Variants in GLIS3 observed in about 807,000 individuals in gnomAD.
GLIS3 encodes GLIS family zinc finger 3.
In GLIS3, 53 loss-of-function variants were observed where a neutral mutation model predicts 78.6. That is an observed-to-expected ratio of 0.67 (90% CI 0.54 to 0.85). GLIS3 has a LOEUF of 0.85. Among genes scored for constraint, GLIS3 ranks in the 40% least tolerant of loss-of-function variants. The pLI, the probability that GLIS3 is intolerant of heterozygous loss-of-function variation, is 0.00. For synonymous variants in GLIS3, 684 were observed against 509.9 expected (o/e 1.34, Z -4.60); for missense variants, 1,703 against 1,231.1 (o/e 1.38, Z -5.74).
intron 8 of GLIS3, among the ~76,000 whole-genome samples, chr9:3,860,272 CAAAAAAAAAAAAAAAAAAA>C (rs59923144): frequency 1.9e-5 from 1 of 53,604 alleles, no homozygotes; most frequent in Non-Finnish European, 3.1e-5. Context: ...AAGACTCTGT[CAAAAAAAAAAAAAAAAAAA>C]AAAAAAAAAA....
chr9:4,175,656 A>G (rs1816749798), intron 2 of GLIS3, among the ~76,000 whole-genome samples: 1 of 152,164 alleles, frequency 6.6e-6, no homozygotes, highest in Admixed American at 6.5e-5. Context: ...CCAAGTCCCC[A>G]CTGTACTGGA....
chr9:3,891,530 C>A (rs1822447526), intron 7 of GLIS3, among the ~76,000 whole-genome samples: 1 of 152,102 alleles, frequency 6.6e-6, no homozygotes, highest in South Asian at 2.1e-4. Flanking sequence ...CTTGTCTCTA[C>A]ACAAAATAAT....
chr9:4,191,228 C>G (rs1452770459), intron 2 of GLIS3, among the ~76,000 whole-genome samples: 1 of 151,770 alleles, frequency 6.6e-6, no homozygotes, highest in African/African-American at 2.4e-5. Context: ...AATTAAAAGA[C>G]ACAGACTGGC....
intron 2 of GLIS3, among the ~76,000 whole-genome samples, chr9:4,160,264 G>A (rs1045382073): frequency 6.6e-6 from 1 of 152,192 alleles, no homozygotes; most frequent in African/African-American, 2.4e-5. Flanking sequence ...ATAACCTCCA[G>A]TGGTGCTAAG....
chr9:4,456,673 G>A, the GLIS3 span, among the ~76,000 whole-genome samples: 1 of 152,144 alleles, frequency 6.6e-6, no homozygotes, highest in South Asian at 2.1e-4. Flanking sequence ...TTAATTTAAA[G>A]CAACTCTTCC....
intron 2 of GLIS3, among the ~76,000 whole-genome samples, chr9:4,325,082 G>T (rs1817581953): frequency 6.6e-6 from 1 of 152,108 alleles, no homozygotes; most frequent in South Asian, 2.1e-4. Context: ...AATTTGTCCA[G>T]GCCACACAGC....
At chr9:4,268,665 A>T (rs1487927875) in intron 2 of GLIS3, among the ~76,000 whole-genome samples, 5 of 152,212 alleles carry the variant, frequency 3.3e-5, no homozygotes, top group African/African-American at 1.2e-4. Flanking sequence ...TTATTGATTG[A>T]CACCCACATA....
In GLIS3 at chr9:4,255,374, G is replaced by A. The variant is rs751525408; in HGVS notation, c.388+30664C>T. On this transcript the variant is annotated intron_variant, in intron 2 of 10. Coordinates refer to ENST00000381971, the MANE Select transcript of GLIS3 (RefSeq NM_001042413.2). ...CTGTGCTCCTTGGTATCACCCAAAGGAGTTGAAAACTTAGGTCCACACACA... is the reference window on the plus strand; with the variant it reads ...CTGTGCTCCTTGGTATCACCCAAAGAAGTTGAAAACTTAGGTCCACACACA... 3.7e-4 allele frequency among the ~76,000 whole-genome samples: 57 copies of A among 152,090 alleles called. 1 individual carries two copies. Among genetic ancestry groups the A allele is most frequent in the Non-Finnish European group, 7.4e-4 (50 of 68,020 alleles).
chr9:3,943,405 T>G (rs1816078130), intron 4 of GLIS3, among the ~76,000 whole-genome samples: 1 of 152,266 alleles, frequency 6.6e-6, no homozygotes, highest in South Asian at 2.1e-4. Context: ...TTTGCAATTT[T>G]ACTCATGTTG....
At position 3,828,372 on chromosome 9, in the gene GLIS3, C is replaced by G. The variant is rs1436468165; in HGVS notation, c.2693G>C (p.Gly898Ala). The change falls in exon 11 of 11, where the codon GGG (glycine) becomes GCG (alanine). Residue 898 changes from glycine to alanine, a missense_variant. Coordinates refer to ENST00000381971, the MANE Select transcript of GLIS3 (RefSeq NM_001042413.2). The part of the protein sequence containing the change: ...DLPSSSSSLF[G>A]ESLRSGAEDA... ...TTCAGCCCCGCTGCGGAGAGACTCCCCAAAGAGGCTCGAGGAACTTGAAGG... is the reference window on the plus strand; with the variant it reads ...TTCAGCCCCGCTGCGGAGAGACTCCGCAAAGAGGCTCGAGGAACTTGAAGG... 1 of 1,613,586 alleles carries G rather than the reference C, an allele frequency of 6.2e-7. No homozygotes were observed. Among genetic ancestry groups the G allele is most frequent in the African/African-American group, 1.3e-5 (1 of 74,892 alleles).
At chr9:4,261,906 G>A (rs372533010) in intron 2 of GLIS3, among the ~76,000 whole-genome samples, 6 of 152,166 alleles carry the variant, frequency 3.9e-5, no homozygotes. Flanking sequence ...ATCGCAACTA[G>A]TGTACCCTGT....
the GLIS3 span, among the ~76,000 whole-genome samples, chr9:4,390,071 C>T: frequency 6.6e-6 from 1 of 152,190 alleles, no homozygotes; most frequent in Admixed American, 6.5e-5. Context: ...TAAAAAATTT[C>T]TGGCAGAGGA....
intron 2 of GLIS3, among the ~76,000 whole-genome samples, chr9:4,142,859 T>C (rs1329867691): frequency 6.6e-6 from 1 of 152,182 alleles, no homozygotes; most frequent in Non-Finnish European, 1.5e-5. Context: ...ATTTTCACAC[T>C]TAAGGATATG....
chr9:3,871,417 T>C (rs914335088), intron 8 of GLIS3, among the ~76,000 whole-genome samples: 5 of 152,220 alleles, frequency 3.3e-5, no homozygotes, highest in Admixed American at 2.6e-4. Flanking sequence ...ATTTCCCTTT[T>C]GCATTGCTCT....
Position 3,828,316 on chromosome 9 carries a change from C to T in GLIS3, c.2749G>A (p.Asp917Asn), listed in dbSNP as rs1433418331. The change falls in exon 11 of 11, where the codon GAC (aspartate) becomes AAC (asparagine). Residue 917 changes from aspartate to asparagine, a missense_variant. Physicochemically the swap from Asp to Asn is conservative, Grantham distance 23. Transcript: ENST00000381971. The part of the protein sequence containing the change: ...DATFLQISTV[D>N]RCPSQLSSVY... ...GAGGAGAGCTGGCTAGGACAGCGGT[C>T]CACGGTGCTGATCTGCAAGAAGGTA... is the stretch of plus-strand genomic sequence containing the variant. 4.3e-6 allele frequency: 7 copies of T among 1,613,414 alleles called. No individual in the cohort carries two copies. Among genetic ancestry groups the T allele is most frequent in the Non-Finnish European group, 5.9e-6 (7 of 1,179,488 alleles).
chr9:4,461,055 T>G, the GLIS3 span, among the ~76,000 whole-genome samples: 2 of 152,244 alleles, frequency 1.3e-5, no homozygotes, highest in Non-Finnish European at 2.9e-5. Flanking sequence ...AGATGTTCTC[T>G]TATTTTACCA....
chr9:4,171,345 G>C (rs551396934), intron 2 of GLIS3, among the ~76,000 whole-genome samples: 1 of 152,126 alleles, frequency 6.6e-6, no homozygotes, highest in South Asian at 2.1e-4. Flanking sequence ...TAATAAGAAA[G>C]ATTCCGTAGA....
At chr9:4,167,972 G>T (rs1564143264) in intron 2 of GLIS3, among the ~76,000 whole-genome samples, 1 of 152,210 alleles carries the variant, frequency 6.6e-6, no homozygotes, top group Non-Finnish European at 1.5e-5. Context: ...AGGGCCAGCT[G>T]CAAGGAGGCA....
chr9:3,964,765 C>A (rs185128179), intron 4 of GLIS3, among the ~76,000 whole-genome samples: 1 of 152,196 alleles, frequency 6.6e-6, no homozygotes, highest in East Asian at 1.9e-4. Flanking sequence ...AAGCCAATAC[C>A]TTTTATTTTC....
Sources: gnomAD v4.1 joint callset for allele counts (sites outside exome capture counted in the v4.1 genomes callset) on GRCh38, gnomAD v4.1.1 for gene constraint, MANE v1.5 for transcripts, NCBI Gene and HGNC (gene_info 2026-07-23, HGNC 2026-07-21) for gene names.